Variants in LRRC75B observed in about 807,000 individuals in gnomAD.
LRRC75B encodes the protein leucine rich repeat containing 75B.
Under a neutral mutation model 16.5 loss-of-function variants are expected in LRRC75B, and 20 were observed. The observed-to-expected ratio is 1.21, with a 90% CI of 0.85 to 1.76. The LOEUF is 1.76. Ranked by LOEUF, LRRC75B falls within the 40% of genes most tolerant of loss-of-function variation. LRRC75B has a pLI of 0.00. For missense variants in LRRC75B, 406 were observed against 417.0 expected (o/e 0.97, Z 0.23); for synonymous variants, 199 against 198.1 (o/e 1.00, Z -0.04).
chr22:24,593,053 T>C lies in LRRC75B; in HGVS notation c.-14A>G, dbSNP rs552282051. The C allele has an allele frequency of 6.5e-4, 670 of 1,036,282 alleles. No homozygotes were observed. The highest frequency in any genetic ancestry group is 7.4e-4 in the Non-Finnish European group (643 of 864,282). The allele number at this position is 1,036,282 out of a possible 1,614,324, so 64.2% of individuals were successfully genotyped here. ...CCGCGCCCCCATGGCCGCCGCGCGA[T>C]GGTCGCCGAACCCACAGGAGGCCGG... On this transcript the variant is annotated 5_prime_UTR_variant, in exon 1 of 4. Transcript: ENST00000318753.
chr22:24,585,764 C>G lies in LRRC75B; in HGVS notation c.*122G>C. 9.3e-7 allele frequency: 1 copy of G among 1,079,014 alleles called. No individual in the cohort carries two copies. Among genetic ancestry groups the G allele is most frequent in the Admixed American group, 2.8e-5 (1 of 35,548 alleles). 66.8% of individuals were successfully genotyped at this position (1,079,014 alleles called of 1,614,324 possible). A position where few individuals can be genotyped will look rare whatever the true frequency, so the allele number is the denominator to read the frequency against. The stretch of plus-strand genomic sequence containing the variant: ...GAGTCCATTCTTCTGTCCCCTTAAT[C>G]TCAGGCTGAGCATTTACACTGGATT... On this transcript the variant is annotated 3_prime_UTR_variant, in exon 4 of 4. Coordinates refer to ENST00000318753, the MANE Select transcript of LRRC75B (RefSeq NM_207644.3).
At chr22:24,592,498 C>T (rs752511750) in intron 1 of LRRC75B, 9 of 444,758 alleles carry the variant, frequency 2.0e-5, no homozygotes, top group Non-Finnish European at 4.2e-5. Context: ...CCACTCCTCC[C>T]GGGCCCCTCC....
intron 2 of LRRC75B, chr22:24,588,908 G>T (rs556492544): frequency 1.6e-5 from 16 of 1,003,486 alleles, no homozygotes; most frequent in African/African-American, 1.2e-4. Context: ...CAGAGGCCCA[G>T]CTCAGGGTGG....
At chr22:24,588,146 G>T in intron 3 of LRRC75B, 68 bp downstream of exon 3, 2 of 1,212,858 alleles carry the variant, frequency 1.6e-6, no homozygotes, top group Non-Finnish European at 2.4e-6. Context: ...TGGTGAGAGT[G>T]CAGGTGTCAA....
At chr22:24,587,638 T>C (rs2045437063) in intron 3 of LRRC75B, among the ~76,000 whole-genome samples, 1 of 152,022 alleles carries the variant, frequency 6.6e-6, no homozygotes, top group Non-Finnish European at 1.5e-5. Context: ...GCTCCATGGA[T>C]GGAGTCACTC....
chr22:24,588,649 GC>G, intron 2 of LRRC75B: 1 of 1,141,236 alleles, frequency 8.8e-7, no homozygotes, highest in Non-Finnish European at 1.1e-6. Flanking sequence ...CCGGCTGCCT[GC>G]CCACCCTCAG....
chr22:24,588,162 G>A, intron 3 of LRRC75B, 52 bp downstream of exon 3: 2 of 1,415,456 alleles, frequency 1.4e-6, no homozygotes, highest in Non-Finnish European at 2.0e-6. Context: ...GTCAACCTGA[G>A]AAGGGACCTT....
At position 24,592,005 on chromosome 22, in the gene LRRC75B, T is replaced by G. The variant is rs143275912; in HGVS notation, c.177+858A>C. On this transcript the variant is annotated intron_variant, in intron 1 of 3. Coordinates refer to ENST00000318753, the MANE Select transcript of LRRC75B (RefSeq NM_207644.3). ...TCTCTGTGGGCCCTGGGGTGACCAC[T>G]TCGCTCCATGCCTCAGTTTCCCCAT... Among the ~76,000 whole-genome samples the G allele has an allele frequency of 7.6e-3, 1,164 of 152,328 alleles. 10 individuals are homozygous for G. Among genetic ancestry groups the G allele is most frequent in the African/African-American group, 0.024 (996 of 41,576 alleles).
chr22:24,589,193 C>A, intron 2 of LRRC75B: 1 of 1,202,466 alleles, frequency 8.3e-7, no homozygotes, highest in Admixed American at 3.6e-5. Flanking sequence ...TGGTCACAGC[C>A]ACACATCCTG....
At chr22:24,587,754 T>C (rs948089765) in intron 3 of LRRC75B, among the ~76,000 whole-genome samples, 2 of 152,152 alleles carry the variant, frequency 1.3e-5, no homozygotes, top group African/African-American at 2.4e-5. Context: ...CCCAACAAGG[T>C]ACAGGAAAAT....
At chr22:24,591,306 C>T (rs1486056876) in intron 1 of LRRC75B, among the ~76,000 whole-genome samples, 4 of 152,170 alleles carry the variant, frequency 2.6e-5, no homozygotes, top group Non-Finnish European at 5.9e-5. Context: ...CTCGAATTCC[C>T]GACTTCAGGT....
intron 3 of LRRC75B, among the ~76,000 whole-genome samples, chr22:24,587,340 C>A (rs2045425474): frequency 6.6e-6 from 1 of 152,098 alleles, no homozygotes; most frequent in Non-Finnish European, 1.5e-5. Context: ...TGAGAAGGAC[C>A]CCCGCCCCCA....
intron 1 of LRRC75B, among the ~76,000 whole-genome samples, chr22:24,591,123 G>T (rs920247837): frequency 6.6e-6 from 1 of 152,190 alleles, no homozygotes; most frequent in Non-Finnish European, 1.5e-5. Context: ...CTTGTTGCCC[G>T]GGCTGGGGCG....
intron 3 of LRRC75B, among the ~76,000 whole-genome samples, chr22:24,586,958 A>G (rs1321486731): frequency 6.6e-6 from 1 of 152,182 alleles, no homozygotes; most frequent in African/African-American, 2.4e-5. Flanking sequence ...TTCTTCATGA[A>G]CTATTATTTG....
Position 24,586,431 on chromosome 22 carries a change from G to A in LRRC75B, c.423-20C>T. The A allele has an allele frequency of 6.3e-7, 1 of 1,594,954 alleles. No homozygotes were observed. Among genetic ancestry groups the A allele is most frequent in the Non-Finnish European group, 8.6e-7 (1 of 1,168,876 alleles). ...TTGAGGCTATGGGAGAGTGGCAGGT[G>A]GGGATGGACTAGGCAACCAGGCAGT... On this transcript the variant is annotated intron_variant, in intron 3 of 3. Transcript: ENST00000318753.
At position 24,592,929 on chromosome 22, in the gene LRRC75B, C is replaced by A; in HGVS notation, c.111G>T (p.Glu37Asp). 1 of 1,244,054 alleles carries A rather than the reference C, an allele frequency of 8.0e-7. No individual in the cohort carries two copies. The highest frequency in any genetic ancestry group is 3.3e-5 in the East Asian group (1 of 30,434). The allele number at this position is 1,244,054 out of a possible 1,614,324, so 77.1% of individuals were successfully genotyped here. ...GCCGCTCGCGGAGCGTGGACTGGAT[C>A]TCGCGGAGCCACCGCACCCGGCGCT... Reference protein sequence around the residue: ...PYERRVRWLREIQSTLRERRP... With the variant: ...PYERRVRWLRDIQSTLRERRP... The change falls in exon 1 of 4, where the codon GAG becomes GAT. Residue 37 changes from glutamate (E) to aspartate (D), a missense_variant. Coordinates refer to ENST00000318753, the MANE Select transcript of LRRC75B (RefSeq NM_207644.3).
chr22:24,586,653 T>C (rs553123439), intron 3 of LRRC75B, among the ~76,000 whole-genome samples: 1 of 152,362 alleles, frequency 6.6e-6, no homozygotes, highest in South Asian at 2.1e-4. Context: ...TGCTTCAGCC[T>C]CCCAAGTAGC....
intron 2 of LRRC75B, 113 bp from the exon 3 acceptor site, chr22:24,588,442 T>C: frequency 1.2e-6 from 1 of 848,280 alleles, no homozygotes; most frequent in Non-Finnish European, 1.9e-6. Flanking sequence ...TCATGCACCA[T>C]GCATCACCGA....
At position 24,589,856 on chromosome 22, in the gene LRRC75B, C is replaced by T. The variant is rs1317737510; in HGVS notation, c.271G>A (p.Val91Met). 1 of 1,613,830 alleles carries T rather than the reference C, an allele frequency of 6.2e-7. No individual in the cohort carries two copies. Among genetic ancestry groups the T allele is most frequent in the South Asian group, 1.1e-5 (1 of 91,040 alleles). The change falls in exon 2 of 4, where the codon GTG becomes ATG. Residue 91 changes from valine to methionine, a missense_variant. Physicochemically the swap from Val to Met is conservative, Grantham distance 21. Coordinates refer to ENST00000318753, the MANE Select transcript of LRRC75B (RefSeq NM_207644.3). ...PVDPISHDLL[V>M]NLARDLQCPK... ...CACTGCAGGTCCCGGGCCAGGTTCA[C>T]AAGCAGGTCATGGGAGATGGGGTCG...
Sources: allele counts gnomAD v4.1 joint callset (sites outside exome capture counted in the v4.1 genomes callset), GRCh38; gene constraint gnomAD v4.1.1; transcripts MANE v1.5; gene names NCBI Gene and HGNC (gene_info 2026-07-23, HGNC 2026-07-21).